SPATA13: variants seen among roughly 807,000 people sequenced by gnomAD.
The protein encoded by SPATA13 is spermatogenesis associated 13.
Under a neutral mutation model 104.0 loss-of-function variants are expected in SPATA13, and 50 were observed. That is an observed-to-expected ratio of 0.48 (90% CI 0.38 to 0.61). The LOEUF is 0.61. SPATA13 is among the 20% of genes least tolerant of loss of function. The pLI, the probability that SPATA13 is intolerant of heterozygous loss-of-function variation, is 0.00. For missense variants in SPATA13, 1,524 were observed against 1,690.6 expected (o/e 0.90, Z 1.73); for synonymous variants, 606 against 667.5 (o/e 0.91, Z 1.42).
intron 1 of SPATA13, among the ~76,000 whole-genome samples, chr13:24,192,582 T>A (rs1204764779): frequency 6.6e-6 from 1 of 152,034 alleles, no homozygotes; most frequent in Non-Finnish European, 1.5e-5. Context: ...GTCCTGTCTG[T>A]TAGTACATAT....
At chr13:24,027,139 T>TTG (rs1877260782) in intron 3 of SPATA13, among the ~76,000 whole-genome samples, 2 of 144,754 alleles carry the variant, frequency 1.4e-5, no homozygotes, top group South Asian at 2.2e-4. Context: ...TAGCCGTTTT[T>TTG]TTTTTTTTTT....
chr13:24,272,465 A>C (rs546789002), intron 4 of SPATA13, among the ~76,000 whole-genome samples: 4 of 152,306 alleles, frequency 2.6e-5, no homozygotes, highest in African/African-American at 9.6e-5. Context: ...CAAGCACCAT[A>C]TTTAAAACAA....
intron 2 of SPATA13, among the ~76,000 whole-genome samples, chr13:24,240,221 C>T (rs1872766601): frequency 6.6e-6 from 1 of 151,902 alleles, no homozygotes; most frequent in African/African-American, 2.4e-5. Flanking sequence ...GATTGCACCA[C>T]TGCACTGCAG....
At chr13:24,253,240 G>A (rs1873599167) in intron 4 of SPATA13, 1 of 152,144 alleles carries the variant, frequency 6.6e-6, no homozygotes, top group African/African-American at 2.4e-5. Flanking sequence ...TAACAGAGCA[G>A]ACAGTACTAT....
chr13:24,123,052 G>A, intron 3 of SPATA13: 1 of 957,472 alleles, frequency 1.0e-6, no homozygotes, highest in South Asian at 1.3e-5. Flanking sequence ...ATTGCCAAAT[G>A]TTGTGTCATT....
At position 23,992,374 on chromosome 13, in the gene SPATA13, C is replaced by A. The variant is rs535438719; in HGVS notation, c.-147+8441C>A. Among the ~76,000 whole-genome samples the A allele has an allele frequency of 2.6e-5, 4 of 152,122 alleles. No homozygotes were observed. The South Asian group carries it at 8.3e-4, about 32-fold the overall frequency. On this transcript the variant is annotated intron_variant, in intron 2 of 14. Transcript: ENST00000424834. ...TGTATTAGTTAGGGTGATACTAAGT[C>A]CTGTAGTAAAGCCCAACATTTTGGT...
intron 3 of SPATA13, chr13:24,033,801 C>T (rs942178078): frequency 6.6e-6 from 1 of 152,242 alleles, no homozygotes; most frequent in African/African-American, 2.4e-5. Flanking sequence ...GTGACTTCCT[C>T]AGGAAGTCAG....
At chr13:24,138,036 C>T (rs912468307) in intron 3 of SPATA13, among the ~76,000 whole-genome samples, 9 of 152,022 alleles carry the variant, frequency 5.9e-5, no homozygotes, top group South Asian at 4.2e-4. Context: ...CGTAGTGGCT[C>T]GCGCATGTAA....
intron 2 of SPATA13, among the ~76,000 whole-genome samples, chr13:24,248,826 G>C (rs1391010321): frequency 6.6e-6 from 1 of 152,110 alleles, no homozygotes; most frequent in Non-Finnish European, 1.5e-5. Flanking sequence ...AGGTCTTTGG[G>C]GGACACCTAT....
intron 1 of SPATA13, among the ~76,000 whole-genome samples, chr13:24,215,539 G>A (rs1271740913): frequency 6.6e-6 from 1 of 152,098 alleles, no homozygotes; most frequent in Non-Finnish European, 1.5e-5. Flanking sequence ...ATAAATTGGG[G>A]CTCTGCCTGG....
intron 3 of SPATA13, among the ~76,000 whole-genome samples, chr13:24,045,262 A>G (rs998043095): frequency 6.6e-6 from 1 of 152,220 alleles, no homozygotes; most frequent in African/African-American, 2.4e-5. Context: ...TGTCTTCCAG[A>G]AAGCTTAGAG....
chr13:24,182,932 AG>A (rs1275118325), intron 1 of SPATA13, among the ~76,000 whole-genome samples: 1 of 152,158 alleles, frequency 6.6e-6, no homozygotes, highest in Non-Finnish European at 1.5e-5. Flanking sequence ...GGCTCACAGC[AG>A]GGCCTTGGTG....
intron 3 of SPATA13, among the ~76,000 whole-genome samples, chr13:24,021,648 C>T (rs1040077720): frequency 2.0e-4 from 31 of 152,228 alleles, no homozygotes; most frequent in East Asian, 1.2e-3. Context: ...TGACTGTATA[C>T]GCCGTGCATT....
chr13:24,068,358 T>C (rs1879039949), intron 3 of SPATA13, among the ~76,000 whole-genome samples: 1 of 152,252 alleles, frequency 6.6e-6, no homozygotes, highest in East Asian at 1.9e-4. Context: ...CCATGGTATA[T>C]ATGTACCATA....
At chr13:23,982,077 T>C (rs926677902) in intron 1 of SPATA13, among the ~76,000 whole-genome samples, 2 of 152,256 alleles carry the variant, frequency 1.3e-5, no homozygotes, top group Non-Finnish European at 2.9e-5. Flanking sequence ...GTGTGTGTTT[T>C]AAAGTACTGT....
At chr13:24,059,091 C>A (rs1878681577) in intron 3 of SPATA13, among the ~76,000 whole-genome samples, 1 of 151,764 alleles carries the variant, frequency 6.6e-6, no homozygotes, top group Non-Finnish European at 1.5e-5. Flanking sequence ...CCTGCCTCAG[C>A]CTTCCGAGTA....
chr13:24,151,189 G>C (rs879341426), intron 3 of SPATA13, among the ~76,000 whole-genome samples: 1 of 152,082 alleles, frequency 6.6e-6, no homozygotes, highest in African/African-American at 2.4e-5. Context: ...GCTTCCTCCC[G>C]CAGTGCTGAG....
intron 1 of SPATA13, among the ~76,000 whole-genome samples, chr13:24,207,326 T>G (rs183986066): frequency 2.6e-5 from 4 of 152,306 alleles, no homozygotes; most frequent in Non-Finnish European, 4.4e-5. Flanking sequence ...ATGGCATACG[T>G]TTACCTAGGT....
intron 3 of SPATA13, among the ~76,000 whole-genome samples, chr13:24,146,804 C>T (rs768299547): frequency 1.5e-4 from 23 of 152,200 alleles, no homozygotes; most frequent in Non-Finnish European, 2.5e-4. Context: ...CTACACACTA[C>T]GGAATATCCT....
Sources: gnomAD v4.1 joint callset for allele counts (sites outside exome capture counted in the v4.1 genomes callset) on GRCh38, gnomAD v4.1.1 for gene constraint, MANE v1.5 for transcripts, NCBI Gene and HGNC (gene_info 2026-07-23, HGNC 2026-07-21) for gene names.